The following FGF14 variants were observed in gnomAD, a reference collection of about 807,000 sequenced individuals.
The protein encoded by FGF14 is fibroblast growth factor 14, also known as fibroblast growth factor homologous factor 4.
Under a neutral mutation model 25.5 loss-of-function variants are expected in FGF14, and 5 were observed. That is an observed-to-expected ratio of 0.20 (90% confidence interval 0.10 to 0.41). The LOEUF (loss-of-function observed/expected upper bound fraction) is 0.41, where lower values mean the gene tolerates loss of function less well. Ranked by LOEUF, FGF14 falls within the 10% of genes least tolerant of loss-of-function variation. The pLI is 1.00. For missense variants in FGF14, 222 were observed against 320.1 expected, an observed-to-expected ratio of 0.69 and a Z score of 2.34; for synonymous variants, 138 against 118.3, an observed-to-expected ratio of 1.17 and a Z score of -1.08.
chr13:101,876,422 T>A (rs2045397622), intron 1 of FGF14, among the ~76,000 whole-genome samples: 1 of 152,182 alleles, frequency 6.6e-6, no homozygotes, highest in Admixed American at 6.5e-5. Context: ...AATTGTGGTC[T>A]TGCAAATAGG....
rs57269811 is a variant in FGF14, at chr13:101,924,220, T to C, written c.209-48924A>G. Among the ~76,000 whole-genome samples the C allele has an allele frequency of 2.9e-3, 435 of 152,248 alleles. 1 individual carries two copies. The highest frequency in any genetic ancestry group is 9.8e-3 in the African/African-American group (409 of 41,574). ...AGAGAGTCCCTGTGCACATGTGATA[T>C]AATCTTTTTCATATTTAGCACTGTA... On this transcript the variant is annotated intron_variant, in intron 1 of 4. Transcript: ENST00000376131.
At chr13:101,909,301 G>C (rs971542057) in intron 1 of FGF14, among the ~76,000 whole-genome samples, 1 of 152,238 alleles carries the variant, frequency 6.6e-6, no homozygotes, top group South Asian at 2.1e-4. Context: ...AGAGTGAACA[G>C]GCAACCTACA....
intron 1 of FGF14, among the ~76,000 whole-genome samples, chr13:102,166,941 G>A (rs2048038285): frequency 6.6e-6 from 1 of 152,038 alleles, no homozygotes; most frequent in Non-Finnish European, 1.5e-5. Context: ...ATCAAGAATT[G>A]GCTGTTTGGG....
At chr13:101,855,913 T>C (rs1180743285) in intron 3 of FGF14, among the ~76,000 whole-genome samples, 1 of 151,446 alleles carries the variant, frequency 6.6e-6, no homozygotes, top group Non-Finnish European at 1.5e-5. Context: ...GTTTTTTTTT[T>C]TTTTAAGAAC....
chr13:101,939,469 G>C (rs1325615315), intron 1 of FGF14, among the ~76,000 whole-genome samples: 1 of 152,106 alleles, frequency 6.6e-6, no homozygotes, highest in East Asian at 1.9e-4. Context: ...CATCCTTTCT[G>C]TCCATTATCT....
chr13:101,926,023 C>T (rs1374993313), intron 1 of FGF14, among the ~76,000 whole-genome samples: 1 of 152,176 alleles, frequency 6.6e-6, no homozygotes, highest in Non-Finnish European at 1.5e-5. Context: ...TCTTCAAGAT[C>T]CTAGTGATTT....
chr13:102,066,583 A>C (rs924473874), intron 1 of FGF14, among the ~76,000 whole-genome samples: 1 of 152,184 alleles, frequency 6.6e-6, no homozygotes, highest in Non-Finnish European at 1.5e-5. Context: ...TAAATAACAC[A>C]ATGTTTATTC....
At chr13:102,065,560 A>T (rs1459796909) in intron 1 of FGF14, among the ~76,000 whole-genome samples, 1 of 152,108 alleles carries the variant, frequency 6.6e-6, no homozygotes, top group Admixed American at 6.5e-5. Flanking sequence ...AATAGGATGC[A>T]CCTCATATAA....
chr13:102,318,308 A>C (rs1199697340), intron 1 of FGF14, among the ~76,000 whole-genome samples: 1 of 152,186 alleles, frequency 6.6e-6, no homozygotes, highest in Non-Finnish European at 1.5e-5. Context: ...CCAACTGCGT[A>C]TCCTCAGCCT....
chr13:102,339,381 A>G (rs1330992012), intron 1 of FGF14, among the ~76,000 whole-genome samples: 2 of 152,170 alleles, frequency 1.3e-5, no homozygotes, highest in African/African-American at 2.4e-5. Context: ...GAGTTTCAGT[A>G]GAAAAGACCA....
chr13:102,114,050 A>G (rs1433964198), intron 1 of FGF14, among the ~76,000 whole-genome samples: 3 of 152,222 alleles, frequency 2.0e-5, no homozygotes, highest in African/African-American at 7.2e-5. Context: ...AAAATATCAC[A>G]AGATTGGATT....
chr13:101,910,145 A>G (rs2032756105), intron 1 of FGF14, among the ~76,000 whole-genome samples: 1 of 152,106 alleles, frequency 6.6e-6, no homozygotes, highest in South Asian at 2.1e-4. Flanking sequence ...CTAATGTTAA[A>G]TGACGAGTTA....
chr13:102,253,391 G>A (rs949392722), intron 1 of FGF14, among the ~76,000 whole-genome samples: 1 of 152,058 alleles, frequency 6.6e-6, no homozygotes, highest in Non-Finnish European at 1.5e-5. Context: ...ATCTCACTGT[G>A]GTTTTGATTT....
At chr13:102,370,494 T>C (rs1257190733) in intron 1 of FGF14, among the ~76,000 whole-genome samples, 2 of 152,196 alleles carry the variant, frequency 1.3e-5, no homozygotes, top group Non-Finnish European at 2.9e-5. Context: ...GTCTTGATCC[T>C]CCCACCTCGG....
chr13:101,843,513 T>C (rs992335874), intron 3 of FGF14, among the ~76,000 whole-genome samples: 8 of 151,972 alleles, frequency 5.3e-5, no homozygotes, highest in African/African-American at 1.7e-4. Flanking sequence ...ATATGTATGG[T>C]TGACTTTGAG....
chr13:101,877,575 T>C (rs948871965), intron 1 of FGF14, among the ~76,000 whole-genome samples: 8 of 152,158 alleles, frequency 5.3e-5, no homozygotes, highest in African/African-American at 1.7e-4. Context: ...TAATGCAGCC[T>C]GTACAAGCGG....
At chr13:101,923,939 G>A (rs1162440515) in intron 1 of FGF14, among the ~76,000 whole-genome samples, 1 of 152,020 alleles carries the variant, frequency 6.6e-6, no homozygotes, top group Admixed American at 6.6e-5. Flanking sequence ...CAGCTAATAC[G>A]TTGGAAAAAA....
intron 1 of FGF14, among the ~76,000 whole-genome samples, chr13:101,876,419 G>T (rs1566360831): frequency 6.6e-6 from 1 of 152,132 alleles, no homozygotes; most frequent in Non-Finnish European, 1.5e-5. Context: ...AAAAATTGTG[G>T]TCTTGCAAAT....
intron 1 of FGF14, among the ~76,000 whole-genome samples, chr13:102,182,036 T>C (rs558503859): frequency 6.6e-6 from 1 of 152,160 alleles, no homozygotes; most frequent in Non-Finnish European, 1.5e-5. Context: ...CATTTTGTGG[T>C]ACTTTGTTAT....
Sources: allele counts gnomAD v4.1 joint callset (sites outside exome capture counted in the v4.1 genomes callset), GRCh38; gene constraint gnomAD v4.1.1; transcripts MANE v1.5; gene names NCBI Gene and HGNC (gene_info 2026-07-23, HGNC 2026-07-21).